GFI1B: variants seen among roughly 807,000 people sequenced by gnomAD.
GFI1B encodes zinc finger protein Gfi-1b.
In GFI1B, 20 loss-of-function variants were observed where a neutral mutation model predicts 35.3. That is an observed-to-expected ratio of 0.57 (90% CI 0.40 to 0.82). The LOEUF is 0.82. Among genes scored for constraint, GFI1B ranks in the 40% least tolerant of loss-of-function variants. GFI1B has a pLI of 0.00. For missense variants in GFI1B, 430 were observed against 446.3 expected, an observed-to-expected ratio of 0.96 and a Z score of 0.33; for synonymous variants, 178 against 177.6, an observed-to-expected ratio of 1.00 and a Z score of -0.02.
At chr9:132,964,471 ATTTTC>A (rs1848417918) in intron 1 of GFI1B, among the ~76,000 whole-genome samples, 1 of 152,094 alleles carries the variant, frequency 6.6e-6, no homozygotes, top group African/African-American at 2.4e-5. Flanking sequence ...GTCTGAATCA[ATTTTC>A]AGCCACTTGT....
rs1848143705 is a variant in GFI1B at position 132,947,826 on chromosome 9, AAAAAC to A, written c.-701+2158_-701+2162del. Among the ~76,000 whole-genome samples the A allele has an allele frequency of 9.8e-5, 13 of 132,534 alleles. 1 individual carries two copies. 86.9% of individuals were successfully genotyped at this position (132,534 alleles called of 152,430 possible). A position where few individuals can be genotyped will look rare whatever the true frequency, so the allele number is the denominator to read the frequency against. On this transcript the variant is annotated intron_variant, in intron 1 of 10. Transcript: ENST00000339463. ...TTGGTCTCCAAAAAAAAAAAAAAAA[AAAAAC>A]TAAACTAAAGTGACATACAGGAATC... is the stretch of plus-strand genomic sequence containing the variant.
intron 1 of GFI1B, among the ~76,000 whole-genome samples, chr9:132,964,886 C>A (rs1848427152): frequency 6.6e-6 from 1 of 151,634 alleles, no homozygotes; most frequent in African/African-American, 2.4e-5. Context: ...ATTATAGGCA[C>A]CTGACACCAT....
At chr9:132,979,611 C>T (rs1246942040) in intron 1 of GFI1B, among the ~76,000 whole-genome samples, 1 of 152,136 alleles carries the variant, frequency 6.6e-6, no homozygotes, top group Non-Finnish European at 1.5e-5. Context: ...ACAGGGCTGC[C>T]CTCTCCCACA....
At chr9:132,955,808 A>ATGTGTGTGCG (rs1848274384) in intron 1 of GFI1B, among the ~76,000 whole-genome samples, 1 of 146,428 alleles carries the variant, frequency 6.8e-6, no homozygotes, top group African/African-American at 2.5e-5. Flanking sequence ...GTGTGTGTGC[A>ATGTGTGTGCG]TGTGTGTGTG....
intron 1 of GFI1B, among the ~76,000 whole-genome samples, chr9:132,985,677 A>G (rs1849021509): frequency 6.6e-6 from 1 of 152,186 alleles, no homozygotes; most frequent in African/African-American, 2.4e-5. Flanking sequence ...CAGAGCCCCC[A>G]GTGATAGACA....
At position 132,971,755 on chromosome 9, in the gene GFI1B, C is replaced by T. The variant is rs184864158; in HGVS notation, c.-700-970C>T. On this transcript the variant is annotated intron_variant, in intron 1 of 10. Coordinates refer to the GFI1B transcript ENST00000339463. ...TTGGGAGGCTGAGGCTGGCAGATCC[C>T]TTGAGGTCAGGAGTTCGAGACCAGC... is the stretch of plus-strand genomic sequence containing the variant. 2.6e-5 allele frequency among the ~76,000 whole-genome samples: 4 copies of T among 152,210 alleles called. No homozygotes were observed. In the East Asian group the frequency reaches 7.7e-4, roughly 29 times the overall value.
At chr9:132,975,694 G>C (rs1848617039), upstream of GFI1B, among the ~76,000 whole-genome samples, 1 of 152,192 alleles carries the variant, frequency 6.6e-6, no homozygotes, top group Non-Finnish European at 1.5e-5. Flanking sequence ...ACATAAGGGA[G>C]GGAAGGAAAG....
At chr9:132,963,978 C>T (rs1385205631) in intron 1 of GFI1B, among the ~76,000 whole-genome samples, 1 of 152,174 alleles carries the variant, frequency 6.6e-6, no homozygotes, top group African/African-American at 2.4e-5. Flanking sequence ...GGGTGGCTCA[C>T]ACCTGTAATC....
chr9:132,974,656 T>C (rs1588421714), upstream of GFI1B, among the ~76,000 whole-genome samples: 1 of 136,370 alleles, frequency 7.3e-6, no homozygotes, highest in South Asian at 2.3e-4. Context: ...CAGATAAGTG[T>C]GAATGCTAAG....
At chr9:132,977,998 A>T (rs1006485224), upstream of GFI1B, among the ~76,000 whole-genome samples, 2 of 150,570 alleles carry the variant, frequency 1.3e-5, no homozygotes, top group African/African-American at 4.9e-5. Context: ...CTGAGATATG[A>T]CCTCTGCAAG....
chr9:132,965,087 G>A (rs745551218), intron 1 of GFI1B, among the ~76,000 whole-genome samples: 4 of 152,082 alleles, frequency 2.6e-5, no homozygotes, highest in Non-Finnish European at 5.9e-5. Context: ...CTTCTAGAGA[G>A]TCTTTCTCTC....
Position 132,989,254 on chromosome 9 carries a change from C to T in GFI1B, c.648+56C>T. 1 of 1,563,440 alleles carries T rather than the reference C, an allele frequency of 6.4e-7. No individual in the cohort carries two copies. The highest frequency in any genetic ancestry group is 2.2e-5 in the East Asian group (1 of 44,658). On this transcript the variant is annotated intron_variant, in intron 5 of 6. Coordinates refer to ENST00000372122, the MANE Select transcript of GFI1B (RefSeq NM_001377304.1). The surrounding 1 kb of genome is among the most constrained non-coding windows in gnomAD (Gnocchi z 6.2). ...GCCCCACTCCTTCTCTGTGCTTCCCCAGGGAGCCTGGGGGCTGTGGCTGGG... is the reference window on the plus strand; with the variant it reads ...GCCCCACTCCTTCTCTGTGCTTCCCTAGGGAGCCTGGGGGCTGTGGCTGGG...
At chr9:132,950,945 C>T (rs932881849) in intron 1 of GFI1B, among the ~76,000 whole-genome samples, 1 of 151,982 alleles carries the variant, frequency 6.6e-6, no homozygotes, top group African/African-American at 2.4e-5. Context: ...TCAGACCATC[C>T]TCCTGCCTTA....
intron 2 of GFI1B, 140 bp from the exon 3 acceptor site, chr9:132,987,141 CG>C: frequency 1.1e-6 from 1 of 948,544 alleles, no homozygotes; most frequent in Non-Finnish European, 1.7e-6. Context: ...GGGCAGAGCC[CG>C]GGAGTGTGAG....
At chr9:132,985,973 G>A (rs1267002946) in intron 1 of GFI1B, among the ~76,000 whole-genome samples, 2 of 152,140 alleles carry the variant, frequency 1.3e-5, no homozygotes, top group Non-Finnish European at 2.9e-5. Flanking sequence ...CTGCTCCATT[G>A]CAGCCCAGGT....
chr9:132,972,008 C>A (rs1037053885), intron 1 of GFI1B, among the ~76,000 whole-genome samples: 2 of 149,410 alleles, frequency 1.3e-5, no homozygotes, highest in Non-Finnish European at 1.5e-5. Context: ...GGTGTGGTGG[C>A]TCACGCCTGT....
intron 1 of GFI1B, among the ~76,000 whole-genome samples, chr9:132,968,547 G>A (rs1848485246): frequency 6.6e-6 from 1 of 152,122 alleles, no homozygotes; most frequent in Admixed American, 6.5e-5. Flanking sequence ...AGTAGATATT[G>A]GGGTGTTCAT....
At chr9:132,979,720 T>A (rs1848753484) in intron 1 of GFI1B, among the ~76,000 whole-genome samples, 1 of 151,998 alleles carries the variant, frequency 6.6e-6, no homozygotes, top group African/African-American at 2.4e-5. Context: ...CACCTATTTT[T>A]GGAGAAAAAA....
intron 1 of GFI1B, among the ~76,000 whole-genome samples, chr9:132,966,647 G>A (rs1390892672): frequency 6.6e-6 from 1 of 152,238 alleles, no homozygotes; most frequent in Non-Finnish European, 1.5e-5. Flanking sequence ...AGGGGAGACT[G>A]TGGAGAACAG....
Sources: allele counts gnomAD v4.1 joint callset (sites outside exome capture counted in the v4.1 genomes callset), GRCh38; gene constraint gnomAD v4.1.1; non-coding constraint Gnocchi (gnomAD v3.1); transcripts MANE v1.5; gene names NCBI Gene and HGNC (gene_info 2026-07-23, HGNC 2026-07-21).